DHRS7B: variants seen among roughly 807,000 people sequenced by gnomAD.
DHRS7B encodes the protein dehydrogenase/reductase 7B.
DHRS7B carries 24 observed loss-of-function variants against 26.4 expected under a neutral mutation model. That is an observed-to-expected ratio of 0.91 (90% CI 0.66 to 1.28). The LOEUF is 1.28. Among genes scored for constraint, DHRS7B ranks in the 50% most tolerant of loss-of-function variants. DHRS7B has a pLI of 0.00. For missense variants in DHRS7B, 368 were observed against 419.4 expected (o/e 0.88, Z 1.07); for synonymous variants, 142 against 166.4 (o/e 0.85, Z 1.13).
rs149122203 is a variant in DHRS7B, at chr17:21,171,739, C to G, written c.21-279C>G. On this transcript the variant is annotated intron_variant, in intron 1 of 6. Transcript: ENST00000395511. ...CCTCTTCCTGTAACACTGTGGGTGA[C>G]TATGTCCTAGGCTGAATGGCAATCT... 7.1e-4 allele frequency: 385 copies of G among 540,152 alleles called. 3 individuals are homozygous for G. Among genetic ancestry groups the G allele is most frequent in the African/African-American group, 5.7e-3 (300 of 53,080 alleles). 33.5% of individuals were successfully genotyped at this position (540,152 alleles called of 1,614,324 possible).
In DHRS7B at chr17:21,183,713, T is replaced by A. The variant is rs1974565117; in HGVS notation, c.429T>A (p.Ala143=). The change falls in exon 4 of 7, where the codon GCT becomes GCA. Residue 143 remains alanine, a synonymous_variant. Coordinates refer to ENST00000395511, the MANE Select transcript of DHRS7B (RefSeq NM_015510.5). ...FGYVDILVNN[A]GISYRGTIMD... is the part of the protein sequence containing the mutation. ...ATGTCGACATACTTGTCAACAATGC[T>A]GGGATCAGCTACCGTGGTACCATCA... 1.2e-6 allele frequency: 2 copies of A among 1,614,218 alleles called. No individual in the cohort carries two copies. The highest frequency in any genetic ancestry group is 1.7e-6 in the Non-Finnish European group (2 of 1,180,038).
At chr17:21,180,495 C>T (rs1974493600) in intron 3 of DHRS7B, among the ~76,000 whole-genome samples, 1 of 152,164 alleles carries the variant, frequency 6.6e-6, no homozygotes, top group Non-Finnish European at 1.5e-5. Context: ...TTTCCCAGCA[C>T]CATTTGTTGA....
In DHRS7B at chr17:21,183,735, A is replaced by G; in HGVS notation, c.451A>G (p.Ile151Val). The G allele has an allele frequency of 6.2e-7, 1 of 1,614,238 alleles. No individual in the cohort carries two copies. Among genetic ancestry groups the G allele is most frequent in the East Asian group, 2.2e-5 (1 of 44,886 alleles). The change falls in exon 4 of 7, where the codon ATC becomes GTC. Residue 151 changes from isoleucine (I) to valine (V), a missense_variant. By Grantham distance (29) the Ile-to-Val change is conservative. Transcript: ENST00000395511. Reference protein sequence around the residue: ...NNAGISYRGTIMDTTVDVDKR... With the variant: ...NNAGISYRGTVMDTTVDVDKR... ...TGCTGGGATCAGCTACCGTGGTACC[A>G]TCATGGACACCACAGTGGATGTGGA...
intron 1 of DHRS7B, among the ~76,000 whole-genome samples, chr17:21,155,881 G>C (rs1469794927): frequency 2.0e-5 from 3 of 152,072 alleles, no homozygotes; most frequent in Non-Finnish European, 4.4e-5. Flanking sequence ...GGTTAAAGAA[G>C]AAATCTCAAG....
chr17:21,127,509 C>G (rs1161775717), intron 1 of DHRS7B: 4 of 154,412 alleles, frequency 2.6e-5, no homozygotes, highest in Admixed American at 2.0e-4. Context: ...ACGGGAATGG[C>G]TGGTTGAGAT....
Position 21,184,366 on chromosome 17 carries a change from C to T in DHRS7B, c.527-5C>T, listed in dbSNP as rs564422597. On this transcript the variant is annotated splice_region_variant and splice_polypyrimidine_tract_variant and intron_variant, in intron 4 of 6. Transcript: ENST00000395511. ...GCTTGCCTAAGCCTCTGCATCTGTC[C>T]TCAGCACTCCTGCCCTCCATGATCA... The T allele has an allele frequency of 8.6e-5, 139 of 1,613,518 alleles. No homozygotes were observed. The South Asian group carries it at 1.2e-3, about 14-fold the overall frequency.
At chr17:21,156,703 A>G (rs1441971229) in intron 1 of DHRS7B, among the ~76,000 whole-genome samples, 2 of 152,076 alleles carry the variant, frequency 1.3e-5, no homozygotes, top group Non-Finnish European at 2.9e-5. Flanking sequence ...ACCTGAGGTC[A>G]GGAGTTCGAG....
chr17:21,175,272 A>C (rs1437369516), intron 2 of DHRS7B, among the ~76,000 whole-genome samples: 1 of 152,040 alleles, frequency 6.6e-6, no homozygotes, highest in Admixed American at 6.6e-5. Context: ...CATGTTTTGA[A>C]CCCATCTAGC....
intron 1 of DHRS7B, among the ~76,000 whole-genome samples, chr17:21,130,413 A>C (rs981704389): frequency 1.4e-4 from 22 of 152,068 alleles, no homozygotes; most frequent in African/African-American, 5.1e-4. Flanking sequence ...TAAATAAATA[A>C]ATAAACTTAC....
intron 1 of DHRS7B, among the ~76,000 whole-genome samples, chr17:21,170,419 G>A (rs1202083202): frequency 4.6e-5 from 7 of 152,220 alleles, no homozygotes; most frequent in Non-Finnish European, 1.0e-4. Context: ...GTAGTGCCTG[G>A]TGAAAAGCTT....
intron 1 of DHRS7B, chr17:21,166,126 GCCCCC>G (rs928966053): frequency 3.0e-6 from 3 of 984,566 alleles, no homozygotes; most frequent in African/African-American, 1.8e-5. Context: ...ACCTTTCTCC[GCCCCC>G]CCTCACAGGA....
At chr17:21,159,264 T>C (rs1281692253) in intron 1 of DHRS7B, among the ~76,000 whole-genome samples, 1 of 150,504 alleles carries the variant, frequency 6.6e-6, no homozygotes, top group African/African-American at 2.5e-5. Context: ...TTTTTTTTTT[T>C]AAAGACGGAG....
rs1306847873 is a variant in DHRS7B, at chr17:21,140,019, ATTCTTT to A, written c.20+13031_20+13036del. Among the ~76,000 whole-genome samples, 4 of 60,384 alleles carry A rather than the reference ATTCTTT, an allele frequency of 6.6e-5. 1 individual carries two copies. Among genetic ancestry groups the A allele is most frequent in the African/African-American group, 2.6e-4 (4 of 15,430 alleles). 39.6% of individuals were successfully genotyped at this position (60,384 alleles called of 152,430 possible). ...CTTTTTTTTCCTATCAGACTTTCAGATTCTTTTTTTTTTTTTTTTTTTTGAGACAGA... is the reference window on the plus strand; with the variant it reads ...CTTTTTTTTCCTATCAGACTTTCAGATTTTTTTTTTTTTTTTTGAGACAGA... On this transcript the variant is annotated intron_variant, in intron 1 of 6. Coordinates refer to ENST00000395511, the MANE Select transcript of DHRS7B (RefSeq NM_015510.5).
At position 21,191,248 on chromosome 17, in the gene DHRS7B, A is replaced by T; in HGVS notation, c.*95A>T. Reference sequence around the variant, plus strand: ...TGCATTTGTTGAGACTTTAATGGAGATTTGTCTCACAAGTGGGAAAGACTG... The same window carrying T: ...TGCATTTGTTGAGACTTTAATGGAGTTTTGTCTCACAAGTGGGAAAGACTG... On this transcript the variant is annotated 3_prime_UTR_variant, in exon 7 of 7. Transcript: ENST00000395511. 1.5e-6 allele frequency: 2 copies of T among 1,305,126 alleles called. No individual in the cohort carries two copies. Among genetic ancestry groups the T allele is most frequent in the Non-Finnish European group, 2.2e-6 (2 of 925,654 alleles). 80.8% of individuals were successfully genotyped at this position (1,305,126 alleles called of 1,614,324 possible).
chr17:21,130,774 T>C (rs974324345), intron 1 of DHRS7B, among the ~76,000 whole-genome samples: 4 of 152,290 alleles, frequency 2.6e-5, no homozygotes, highest in South Asian at 2.1e-4. Context: ...TTGGATGGTG[T>C]AGGAATTATT....
At chr17:21,132,323 A>G (rs936216837) in intron 1 of DHRS7B, among the ~76,000 whole-genome samples, 11 of 138,128 alleles carry the variant, frequency 8.0e-5, no homozygotes, top group Non-Finnish European at 1.4e-4. Flanking sequence ...CAACATAGGG[A>G]GACCCCATCT....
chr17:21,155,801 G>A (rs143410104), intron 1 of DHRS7B, among the ~76,000 whole-genome samples: 28 of 152,244 alleles, frequency 1.8e-4, no homozygotes, highest in Non-Finnish European at 3.4e-4. Context: ...CTAGAAATCA[G>A]TAACAGAAAG....
rs1466136129 is a variant in DHRS7B, at chr17:21,178,442, C to T, written c.309+100C>T. Reference sequence around the variant, plus strand: ...ACTCCTGGACTGCTGAGCTGTAGGACATCCATGCGTCACACTGTCCCAGGG... The same window carrying T: ...ACTCCTGGACTGCTGAGCTGTAGGATATCCATGCGTCACACTGTCCCAGGG... On this transcript the variant is annotated intron_variant, in intron 3 of 6. Coordinates refer to ENST00000395511, the MANE Select transcript of DHRS7B (RefSeq NM_015510.5). 2.9e-5 allele frequency: 27 copies of T among 944,622 alleles called. 1 individual carries two copies. Among genetic ancestry groups the T allele is most frequent in the Admixed American group, 1.3e-4 (6 of 46,972 alleles). The allele number at this position is 944,622 out of a possible 1,614,324, so 58.5% of individuals were successfully genotyped here.
chr17:21,129,704 CAAAAAAAA>C (rs61077377), intron 1 of DHRS7B, among the ~76,000 whole-genome samples: 1 of 74,780 alleles, frequency 1.3e-5, no homozygotes, highest in Non-Finnish European at 2.6e-5. Context: ...GACCCTGACT[CAAAAAAAA>C]AAAAAAAAAA....
Sources: gnomAD v4.1 joint callset for allele counts (sites outside exome capture counted in the v4.1 genomes callset) on GRCh38, gnomAD v4.1.1 for gene constraint, MANE v1.5 for transcripts, NCBI Gene and HGNC (gene_info 2026-07-23, HGNC 2026-07-21) for gene names.